TMEM38B: variants seen among roughly 807,000 people sequenced by gnomAD.
The protein encoded by TMEM38B is trimeric intracellular cation channel type B.
A neutral mutation model predicts 28.7 loss-of-function variants in TMEM38B; 24 were observed. The observed-to-expected ratio is 0.84, with a 90% CI of 0.61 to 1.18. The LOEUF (loss-of-function observed/expected upper bound fraction) is 1.18. Among genes scored for constraint, TMEM38B ranks in the 50% most tolerant of loss-of-function variants. The pLI is 0.00. For missense variants in TMEM38B, 380 were observed against 350.9 expected (o/e 1.08, Z -0.66); for synonymous variants, 131 against 127.7 (o/e 1.03, Z -0.17).
chr9:105,704,752 C>T (rs953635226), intron 1 of TMEM38B, among the ~76,000 whole-genome samples: 1 of 151,628 alleles, frequency 6.6e-6, no homozygotes, highest in Admixed American at 6.6e-5. Flanking sequence ...AGTGAAACCC[C>T]GTCTCTACTA....
chr9:105,722,420 T>C (rs1836350701), intron 3 of TMEM38B, 114 bp from the exon 4 acceptor site: 1 of 876,340 alleles, frequency 1.1e-6, no homozygotes, highest in Non-Finnish European at 1.8e-6. Context: ...CCAAGAATTA[T>C]ATTTTGGGAA....
At chr9:105,758,403 G>A (rs1248032920) in intron 5 of TMEM38B, 2 of 1,343,778 alleles carry the variant, frequency 1.5e-6, no homozygotes, top group Non-Finnish European at 2.1e-6. Context: ...TTTTCGAGCA[G>A]GAATGCCTCT....
At chr9:105,728,718 C>T (rs1836617927) in intron 4 of TMEM38B, among the ~76,000 whole-genome samples, 1 of 152,116 alleles carries the variant, frequency 6.6e-6, no homozygotes, top group South Asian at 2.1e-4. Flanking sequence ...GTTCCTATTT[C>T]TCCACATCCT....
At chr9:105,722,168 G>A (rs1256371037) in intron 3 of TMEM38B, among the ~76,000 whole-genome samples, 1 of 151,800 alleles carries the variant, frequency 6.6e-6, no homozygotes, top group East Asian at 1.9e-4. Context: ...TTGCCTTTTT[G>A]TTTTGCATGT....
chr9:105,767,489 G>A (rs1409503041), intron 5 of TMEM38B, among the ~76,000 whole-genome samples: 1 of 152,064 alleles, frequency 6.6e-6, no homozygotes, highest in Non-Finnish European at 1.5e-5. Flanking sequence ...AACGCCTTCT[G>A]GAATTGTTTT....
intron 4 of TMEM38B, among the ~76,000 whole-genome samples, chr9:105,737,717 A>G (rs557335804): frequency 4.7e-4 from 71 of 152,222 alleles, no homozygotes; most frequent in South Asian, 8.3e-4. Flanking sequence ...TCAGGTGCCA[A>G]GGGGGATCAA....
At chr9:105,720,363 T>C (rs1836274159) in intron 2 of TMEM38B, among the ~76,000 whole-genome samples, 3 of 152,050 alleles carry the variant, frequency 2.0e-5, no homozygotes, top group African/African-American at 7.2e-5. Context: ...TAAAGAATAA[T>C]GTATAAAGAG....
At chr9:105,712,245 A>G (rs1025661566) in intron 2 of TMEM38B, among the ~76,000 whole-genome samples, 4 of 152,070 alleles carry the variant, frequency 2.6e-5, no homozygotes, top group African/African-American at 7.2e-5. Flanking sequence ...CATTATGATA[A>G]CATACCAGTA....
rs188106219 is a variant in TMEM38B at position 105,747,204 on chromosome 9, C to T, written c.543-869C>T. The stretch of plus-strand genomic sequence containing the variant: ...GAATTTGGCTGTGAATCCGTCTGGT[C>T]CTGGACTTTTTTTGGTTGGTAAGCT... On this transcript the variant is annotated intron_variant, in intron 4 of 5. Transcript: ENST00000374692. Among the ~76,000 whole-genome samples, 1,202 of 152,262 alleles carry T rather than the reference C, an allele frequency of 7.9e-3. 9 individuals are homozygous for T. The highest frequency in any genetic ancestry group is 0.027 in the African/African-American group (1,122 of 41,532).
chr9:105,722,892 T>C (rs983918620), intron 4 of TMEM38B, among the ~76,000 whole-genome samples: 2 of 152,126 alleles, frequency 1.3e-5, no homozygotes, highest in African/African-American at 4.8e-5. Context: ...AGTAGAATTG[T>C]GGGAAAAGTA....
intron 2 of TMEM38B, among the ~76,000 whole-genome samples, chr9:105,717,302 T>C (rs1342859885): frequency 2.0e-5 from 3 of 152,196 alleles, no homozygotes; most frequent in Admixed American, 1.3e-4. Context: ...AGAAAAAATA[T>C]GGATATTAAT....
chr9:105,705,319 A>G (rs1835613561), intron 1 of TMEM38B, among the ~76,000 whole-genome samples: 1 of 152,220 alleles, frequency 6.6e-6, no homozygotes, highest in Admixed American at 6.5e-5. Context: ...ATCGTTTATA[A>G]TAATCCATTA....
chr9:105,770,920 A>G (rs1285542600), intron 5 of TMEM38B, among the ~76,000 whole-genome samples: 2 of 152,192 alleles, frequency 1.3e-5, no homozygotes, highest in Admixed American at 1.3e-4. Context: ...TTATTCATTC[A>G]GTGTATTCTC....
chr9:105,767,507 G>A (rs1826414453), intron 5 of TMEM38B, among the ~76,000 whole-genome samples: 2 of 152,256 alleles, frequency 1.3e-5, no homozygotes, highest in East Asian at 1.9e-4. Context: ...TTTTGAGATT[G>A]CATCTATAGA....
chr9:105,730,882 A>G (rs1836715369), intron 4 of TMEM38B, among the ~76,000 whole-genome samples: 1 of 151,888 alleles, frequency 6.6e-6, no homozygotes, highest in African/African-American at 2.4e-5. Flanking sequence ...TCTGATGGTA[A>G]TTTGTATTTC....
intron 1 of TMEM38B, among the ~76,000 whole-genome samples, chr9:105,696,167 GA>G (rs1256597475): frequency 6.6e-6 from 1 of 152,212 alleles, no homozygotes; most frequent in Non-Finnish European, 1.5e-5. Context: ...AAGTAGATAT[GA>G]GAATCTAACA....
In TMEM38B at chr9:105,775,255, C is replaced by A. The variant is rs1826689081; in HGVS notation, c.*1175C>A. Reference sequence around the variant, plus strand: ...AGAAACCAGAACTTCATATGGCAGTCCATTTAGATGAAGAATGATGATATA... The same window carrying A: ...AGAAACCAGAACTTCATATGGCAGTACATTTAGATGAAGAATGATGATATA... On this transcript the variant is annotated 3_prime_UTR_variant, in exon 6 of 6. Coordinates refer to ENST00000374692, the MANE Select transcript of TMEM38B (RefSeq NM_018112.3). 6.6e-6 allele frequency: 1 copy of A among 151,922 alleles called. No homozygotes were observed. The highest frequency in any genetic ancestry group is 6.6e-5 in the Admixed American group (1 of 15,242). The allele number at this position is 151,922 out of a possible 1,614,324, so 9.4% of individuals were successfully genotyped here. A position where few individuals can be genotyped will look rare whatever the true frequency, so the allele number is the denominator to read the frequency against.
intron 5 of TMEM38B, among the ~76,000 whole-genome samples, chr9:105,768,617 G>C (rs1316876467): frequency 6.6e-6 from 1 of 152,018 alleles, no homozygotes; most frequent in East Asian, 1.9e-4. Flanking sequence ...TATTTTACTT[G>C]TGTCTGTTTT....
intron 2 of TMEM38B, among the ~76,000 whole-genome samples, chr9:105,717,921 A>G (rs149843037): frequency 1.5e-4 from 23 of 152,336 alleles, no homozygotes; most frequent in Non-Finnish European, 2.8e-4. Context: ...AAACCTGACA[A>G]GAACCCTGAG....
Sources: allele counts gnomAD v4.1 joint callset (sites outside exome capture counted in the v4.1 genomes callset), GRCh38; gene constraint gnomAD v4.1.1; transcripts MANE v1.5; gene names NCBI Gene and HGNC (gene_info 2026-07-23, HGNC 2026-07-21).